The following EPHB6 variants were observed in gnomAD, a reference collection of about 807,000 sequenced individuals.
EPHB6 encodes the protein EPH receptor B6, also known as ephrin type-B receptor 6.
EPHB6 carries 51 observed loss-of-function variants against 107.0 expected under a neutral mutation model. The ratio of observed to expected loss-of-function variants is 0.48; its 90% CI spans 0.38 to 0.60. The LOEUF (loss-of-function observed/expected upper bound fraction) is 0.60. Among genes scored for constraint, EPHB6 ranks in the 20% least tolerant of loss-of-function variants. EPHB6 has a pLI of 0.00. For synonymous variants in EPHB6, 553 were observed against 549.0 expected (o/e 1.01, Z -0.10); for missense variants, 1,141 against 1,355.5 (o/e 0.84, Z 2.48).
rs529333505 is a variant in EPHB6, at chr7:142,864,092, C to T, written c.292C>T (p.Arg98Cys). ...NWLQTHFVER[R>C]GAQRAHIRLH... The stretch of plus-strand genomic sequence containing the variant: ...GTTGCAGACACACTTTGTGGAGCGG[C>T]GCGGGGCCCAGAGGGCGCACATTCG... The change falls in exon 7 of 20, where the codon CGC (arginine) becomes TGC (cysteine). Residue 98 changes from arginine to cysteine, a missense_variant. Arg to Cys is a radical substitution (Grantham distance 180, BLOSUM62 -3). Transcript: ENST00000652003. The T allele has an allele frequency of 1.9e-6, 3 of 1,613,916 alleles. No homozygotes were observed. Among genetic ancestry groups the T allele is most frequent in the East Asian group, 2.2e-5 (1 of 44,878 alleles).
chr7:142,866,636 G>T lies in EPHB6; in HGVS notation c.1587+31G>T. The T allele has an allele frequency of 6.2e-7, 1 of 1,613,682 alleles. No individual in the cohort carries two copies. The highest frequency in any genetic ancestry group is 8.5e-7 in the Non-Finnish European group (1 of 1,180,004). On this transcript the variant is annotated intron_variant, in intron 10 of 19. Transcript: ENST00000652003. This position sits in a 1 kb window ranked among gnomAD's most constrained non-coding sequence, Gnocchi z 5.2. ...CAGGAGGAGTGGGGGTTCCGCAGTA[G>T]GGCTGGTAGGAGCTCATAGGCCTCA...
At position 142,869,284 on chromosome 7, in the gene EPHB6, C is replaced by T; in HGVS notation, c.2460+137C>T. The T allele has an allele frequency of 3.0e-6, 3 of 1,007,842 alleles. No homozygotes were observed. Among genetic ancestry groups the T allele is most frequent in the Non-Finnish European group, 4.4e-6 (3 of 683,156 alleles). The allele number at this position is 1,007,842 out of a possible 1,614,324, so 62.4% of individuals were successfully genotyped here. A position where few individuals can be genotyped will look rare whatever the true frequency, so the allele number is the denominator to read the frequency against. Reference sequence around the variant, plus strand: ...AGTCCCTGAAAGGAGGGAGGCTCTCCTGTGTGATGGGGAGATGAAAGCCTA... The same window carrying T: ...AGTCCCTGAAAGGAGGGAGGCTCTCTTGTGTGATGGGGAGATGAAAGCCTA... On this transcript the variant is annotated intron_variant, in intron 16 of 19. Transcript: ENST00000652003. This position sits in a 1 kb window ranked among gnomAD's most constrained non-coding sequence, Gnocchi z 4.5.
rs143522538 is a variant in EPHB6 at position 142,870,050 on chromosome 7, G to A, written c.2610+84G>A. The A allele has an allele frequency of 4.3e-4, 684 of 1,604,526 alleles. 3 individuals are homozygous for A. The East Asian group carries it at 0.014, about 33-fold the overall frequency. On this transcript the variant is annotated intron_variant, in intron 17 of 19. Coordinates refer to ENST00000652003, the MANE Select transcript of EPHB6 (RefSeq NM_004445.6). The stretch of plus-strand genomic sequence containing the variant: ...TTCTAGGACCTCCATTCTCTACTCC[G>A]TTTGTATTCTAAGATCTCATGGCTG...
At chr7:142,859,326 C>T (rs973375620) in intron 1 of EPHB6, among the ~76,000 whole-genome samples, 1 of 152,174 alleles carries the variant, frequency 6.6e-6, no homozygotes, top group Non-Finnish European at 1.5e-5. Flanking sequence ...ATTGAAGACA[C>T]CTTTGAAAAA....
rs1794757955 is a variant in EPHB6 at position 142,868,952 on chromosome 7, GCCCCCTGCCCCTT to G, written c.2287-17_2287-5del. ...CCCCTGTCTCCGATCACTGACCTCTGCCCCCTGCCCCTTCCCCTCAGCAGCGGGAGGGCCAGTT... is the reference window on the plus strand; with the variant it reads ...CCCCTGTCTCCGATCACTGACCTCTGCCCCTCAGCAGCGGGAGGGCCAGTT... On this transcript the variant is annotated splice_polypyrimidine_tract_variant and intron_variant, in intron 15 of 19. Transcript: ENST00000652003. The surrounding 1 kb of genome is among the most constrained non-coding windows in gnomAD (Gnocchi z 4.2). 1 of 1,603,616 alleles carries G rather than the reference GCCCCCTGCCCCTT, an allele frequency of 6.2e-7. No homozygotes were observed. Among genetic ancestry groups the G allele is most frequent in the Non-Finnish European group, 8.5e-7 (1 of 1,178,850 alleles).
At chr7:142,864,841 C>A in intron 7 of EPHB6, 92 bp downstream of exon 7, 1 of 1,488,382 alleles carries the variant, frequency 6.7e-7, no homozygotes, top group Non-Finnish European at 9.3e-7. Context: ...TTCATTTTAT[C>A]TGCAAAAGGT....
rs1182431574 is a variant in EPHB6, at chr7:142,864,525, C to T, written c.725C>T (p.Ser242Phe). 1.2e-6 allele frequency: 2 copies of T among 1,613,552 alleles called. No homozygotes were observed. Among genetic ancestry groups the T allele is most frequent in the Non-Finnish European group, 1.7e-6 (2 of 1,180,032 alleles). ...TCPAVLRSFASFPETQASGAG... is the reference protein window; with the variant it reads ...TCPAVLRSFAFFPETQASGAG... Reference sequence around the variant, plus strand: ...CCTGCCGTGCTCCGATCCTTTGCTTCCTTTCCAGAGACGCAGGCCAGTGGG... The same window carrying T: ...CCTGCCGTGCTCCGATCCTTTGCTTTCTTTCCAGAGACGCAGGCCAGTGGG... The change falls in exon 7 of 20, where the codon TCC becomes TTC. Residue 242 changes from serine (S) to phenylalanine (F), a missense_variant. Physicochemically the swap from Ser to Phe is radical, Grantham distance 155 (BLOSUM62 -2). Around this residue, in one of 3 missense-constraint regions of EPHB6, gnomAD observed 304 missense variants for 295.7 expected, o/e 1.03. Coordinates refer to ENST00000652003, the MANE Select transcript of EPHB6 (RefSeq NM_004445.6).
rs763526105 is a variant in EPHB6, at chr7:142,864,284, G to A, written c.484G>A (p.Glu162Lys). 1.1e-5 allele frequency: 17 copies of A among 1,602,776 alleles called. No individual in the cohort carries two copies. Among genetic ancestry groups the A allele is most frequent in the East Asian group, 6.8e-5 (3 of 44,212 alleles). ...WTKVDTIAAD[E>K]SFPSSSSSSS... Reference sequence around the variant, plus strand: ...CAAGGTGGACACAATTGCAGCAGACGAGAGCTTTCCCTCCTCCTCCTCCTC... The same window carrying A: ...CAAGGTGGACACAATTGCAGCAGACAAGAGCTTTCCCTCCTCCTCCTCCTC... The change falls in exon 7 of 20, where the codon GAG becomes AAG. Residue 162 changes from glutamate (E) to lysine (K), a missense_variant. Coordinates refer to ENST00000652003, the MANE Select transcript of EPHB6 (RefSeq NM_004445.6).
rs761901290 is a variant in EPHB6 at position 142,868,020 on chromosome 7, C to G, written c.1889C>G (p.Thr630Arg). The G allele has an allele frequency of 6.3e-7, 1 of 1,589,068 alleles. No homozygotes were observed. The change falls in exon 13 of 20, where the codon ACA (threonine) becomes AGA (arginine). Residue 630 changes from threonine to arginine, a missense_variant. Physicochemically the swap from Thr to Arg is moderately conservative, Grantham distance 71. Around this residue, in one of 3 missense-constraint regions of EPHB6, gnomAD observed 616 missense variants for 759.3 expected, o/e 0.81. Transcript: ENST00000652003. This position sits in a 1 kb window ranked among gnomAD's most constrained non-coding sequence, Gnocchi z 4.2. ...FQRKRRGTGYTEQLQQYSSPG... is the reference protein window; with the variant it reads ...FQRKRRGTGYREQLQQYSSPG... ...AGGAAGCGGCGTGGGACTGGCTACA[C>G]AGAGCAGCTGCAGCAATACAGCAGC... is the stretch of plus-strand genomic sequence containing the variant.
rs1281267665 is a variant in EPHB6 at position 142,855,483 on chromosome 7, G to C, written c.-432+98G>C. ...TTTGCAAGAGTAGTGGGGCTCCTCA[G>C]CCCCTAGGTGGCTTCCTGAGGGAGT... On this transcript the variant is annotated intron_variant, in intron 1 of 19. Transcript: ENST00000652003. This position sits in a 1 kb window ranked among gnomAD's most constrained non-coding sequence, Gnocchi z 4.2. The C allele has an allele frequency of 6.6e-6, 1 of 152,318 alleles. No homozygotes were observed. Among genetic ancestry groups the C allele is most frequent in the Non-Finnish European group, 1.5e-5 (1 of 68,150 alleles). The allele number at this position is 152,318 out of a possible 1,614,324, so 9.4% of individuals were successfully genotyped here. A position where few individuals can be genotyped will look rare whatever the true frequency, so the allele number is the denominator to read the frequency against.
chr7:142,867,158 C>A lies in EPHB6; in HGVS notation c.1750+90C>A. 6.8e-7 allele frequency: 1 copy of A among 1,473,294 alleles called. No individual in the cohort carries two copies. Among genetic ancestry groups the A allele is most frequent in the Non-Finnish European group, 9.1e-7 (1 of 1,096,900 alleles). The allele number at this position is 1,473,294 out of a possible 1,614,324, so 91.3% of individuals were successfully genotyped here. On this transcript the variant is annotated intron_variant, in intron 11 of 19. Coordinates refer to ENST00000652003, the MANE Select transcript of EPHB6 (RefSeq NM_004445.6). The surrounding 1 kb of genome is among the most constrained non-coding windows in gnomAD (Gnocchi z 5.3). ...GGGACTGTCCGGCCTTGAACCCTGG[C>A]CCCGTGCTTCCCAACCAGAAGTTCT... is the stretch of plus-strand genomic sequence containing the variant.
In EPHB6 at chr7:142,865,952, C is replaced by T. The variant is rs1405523813; in HGVS notation, c.1106-8C>T. 1 of 1,613,160 alleles carries T rather than the reference C, an allele frequency of 6.2e-7. No individual in the cohort carries two copies. Among genetic ancestry groups the T allele is most frequent in the East Asian group, 2.2e-5 (1 of 44,864 alleles). On this transcript the variant is annotated splice_region_variant and splice_polypyrimidine_tract_variant and intron_variant, in intron 8 of 19. Coordinates refer to ENST00000652003, the MANE Select transcript of EPHB6 (RefSeq NM_004445.6). ...GCCCTTGGACTGCCATATCCTCCGG[C>T]CCCCCAGGTCCTCCATCGGCTCCCC...
In EPHB6 at chr7:142,868,730, C is replaced by T. The variant is rs1428837391; in HGVS notation, c.2277C>T (p.Ser759=). 2 of 1,613,936 alleles carry T rather than the reference C, an allele frequency of 1.2e-6. No individual in the cohort carries two copies. The highest frequency in any genetic ancestry group is 1.7e-6 in the Non-Finnish European group (2 of 1,180,022). Residue 759 remains serine, a synonymous_variant, in exon 15 of 20, where the codon AGC becomes AGT. Transcript: ENST00000652003. This position sits in a 1 kb window ranked among gnomAD's most constrained non-coding sequence, Gnocchi z 4.2. ...TCATGGAGCTTGGCCCCCTGGACAG[C>T]TTCCTCAGGGTCAGTCCAGCCTGGG... The part of the protein sequence containing the change: ...TEFMELGPLD[S]FLRQREGQFS...
chr7:142,859,238 G>C (rs184544931), intron 1 of EPHB6, among the ~76,000 whole-genome samples: 103 of 152,332 alleles, frequency 6.8e-4, no homozygotes, highest in African/African-American at 2.4e-3. Flanking sequence ...TCCCATCTCT[G>C]TGGCAGGAGA....
In EPHB6 at chr7:142,864,693, G is replaced by A. The variant is rs549672232; in HGVS notation, c.893G>A (p.Gly298Glu). Residue 298 changes from glycine to glutamate, a missense_variant, in exon 7 of 20, where the codon GGG (glycine) becomes GAG (glutamate). By Grantham distance (98) the Gly-to-Glu change is moderately conservative. Coordinates refer to ENST00000652003, the MANE Select transcript of EPHB6 (RefSeq NM_004445.6). ...GAGGGCAAGTGGATGGTAGCTGTCGGGGGCTGCCGCTGCCAGCCTGGATAC... is the reference window on the plus strand; with the variant it reads ...GAGGGCAAGTGGATGGTAGCTGTCGAGGGCTGCCGCTGCCAGCCTGGATAC... ...NGEGKWMVAVGGCRCQPGYQP... is the reference protein window; with the variant it reads ...NGEGKWMVAVEGCRCQPGYQP... 1 of 1,612,734 alleles carries A rather than the reference G, an allele frequency of 6.2e-7. No homozygotes were observed. Among genetic ancestry groups the A allele is most frequent in the Admixed American group, 1.7e-5 (1 of 60,006 alleles).
At position 142,863,693 on chromosome 7, in the gene EPHB6, G is replaced by A. The variant is rs373096667; in HGVS notation, c.163G>A (p.Gly55Arg). 9 of 1,613,480 alleles carry A rather than the reference G, an allele frequency of 5.6e-6. No individual in the cohort carries two copies. Among genetic ancestry groups the A allele is most frequent in the Non-Finnish European group, 7.6e-6 (9 of 1,179,586 alleles). The part of the protein sequence containing the change: ...EIGWLTYPPG[G>R]WDEVSVLDDQ... Reference sequence around the variant, plus strand: ...TGGCTGGCTCACCTACCCACCAGGGGGGGTGAGTGCCACTCTAATTCTGAA... The same window carrying A: ...TGGCTGGCTCACCTACCCACCAGGGAGGGTGAGTGCCACTCTAATTCTGAA... Residue 55 changes from glycine to arginine, a missense_variant and splice_region_variant, in exon 6 of 20, where the codon GGG becomes AGG. Gly to Arg is a moderately radical substitution (Grantham distance 125). This residue lies in a region of EPHB6 where 221 missense variants were observed against 300.5 expected (regional missense o/e 0.74). Coordinates refer to ENST00000652003, the MANE Select transcript of EPHB6 (RefSeq NM_004445.6).
In EPHB6 at chr7:142,867,559, A is replaced by G; in HGVS notation, c.1751-49A>G. On this transcript the variant is annotated intron_variant, in intron 11 of 19. Transcript: ENST00000652003. This position sits in a 1 kb window ranked among gnomAD's most constrained non-coding sequence, Gnocchi z 5.3. ...TGGGTGCCTGGGCACATGAACAAGC[A>G]CCTGTGAGAGACCTGGCCCACCTGT... 2.0e-6 allele frequency: 3 copies of G among 1,513,538 alleles called. No individual in the cohort carries two copies. Among genetic ancestry groups the G allele is most frequent in the Non-Finnish European group, 2.7e-6 (3 of 1,102,362 alleles). The allele number at this position is 1,513,538 out of a possible 1,614,324, so 93.8% of individuals were successfully genotyped here. A position where few individuals can be genotyped will look rare whatever the true frequency, so the allele number is the denominator to read the frequency against.
rs541254233 is a variant in EPHB6, at chr7:142,869,074, C to T, written c.2387C>T (p.Ser796Leu). Residue 796 changes from serine to leucine, a missense_variant, in exon 16 of 20, where the codon TCG becomes TTG. This residue lies in a region of EPHB6 where 616 missense variants were observed against 759.3 expected (regional missense o/e 0.81). Coordinates refer to ENST00000652003, the MANE Select transcript of EPHB6 (RefSeq NM_004445.6). This position sits in a 1 kb window ranked among gnomAD's most constrained non-coding sequence, Gnocchi z 4.5. ...YLSSFAFVHRSLSAHSVLVNS... is the reference protein window; with the variant it reads ...YLSSFAFVHRLLSAHSVLVNS... ...TCCAGCTTTGCCTTCGTCCATCGCT[C>T]GCTGTCTGCCCACAGCGTGCTGGTG... 33 of 1,613,742 alleles carry T rather than the reference C, an allele frequency of 2.0e-5. 1 individual carries two copies. In the South Asian group the frequency reaches 2.5e-4, roughly 12 times the overall value.
intron 17 of EPHB6, 106 bp from the exon 18 acceptor site, chr7:142,870,108 C>T: frequency 1.9e-6 from 3 of 1,581,720 alleles, no homozygotes; most frequent in South Asian, 1.1e-5. Context: ...TCCTTCTCCA[C>T]TCCAACCTCA....
Sources: allele counts gnomAD v4.1 joint callset (sites outside exome capture counted in the v4.1 genomes callset), GRCh38; gene constraint gnomAD v4.1.1; regional missense constraint gnomAD v4.1.1; non-coding constraint Gnocchi (gnomAD v3.1); transcripts MANE v1.5; gene names NCBI Gene and HGNC (gene_info 2026-07-23, HGNC 2026-07-21).